The following MDGA1 variants were observed in gnomAD, a reference collection of about 807,000 sequenced individuals.
The protein encoded by MDGA1 is MAM domain containing glycosylphosphatidylinositol anchor 1.
Under a neutral mutation model 101.5 loss-of-function variants are expected in MDGA1, and 54 were observed. That is an observed-to-expected ratio of 0.53 (90% CI 0.43 to 0.67). The LOEUF is 0.67. Ranked by LOEUF, MDGA1 falls within the 30% of genes least tolerant of loss-of-function variation. The pLI is 0.00. For synonymous variants in MDGA1, 533 were observed against 558.3 expected (o/e 0.95, Z 0.64); for missense variants, 1,083 against 1,323.8 (o/e 0.82, Z 2.82).
At chr6:37,643,026 C>T (rs1042254385) in intron 14 of MDGA1, among the ~76,000 whole-genome samples, 8 of 152,182 alleles carry the variant, frequency 5.3e-5, no homozygotes, top group African/African-American at 1.7e-4. Flanking sequence ...AAAGAAGCAC[C>T]CTTCCGATCT....
In MDGA1 at chr6:37,635,268, T is replaced by C. The variant is rs1390405443; in HGVS notation, c.*2100A>G. 5.1e-6 allele frequency: 2 copies of C among 395,264 alleles called. No individual in the cohort carries two copies. The highest frequency in any genetic ancestry group is 4.5e-6 in the Non-Finnish European group (1 of 224,558). 24.5% of individuals were successfully genotyped at this position (395,264 alleles called of 1,614,324 possible). On this transcript the variant is annotated 3_prime_UTR_variant, in exon 17 of 17. Coordinates refer to ENST00000434837, the MANE Select transcript of MDGA1 (RefSeq NM_153487.4). Reference sequence around the variant, plus strand: ...TTACAGAATCCATTCCACCGGGCAATGGAGTGGTTTCCACACCAGGCTCAC... The same window carrying C: ...TTACAGAATCCATTCCACCGGGCAACGGAGTGGTTTCCACACCAGGCTCAC...
At chr6:37,664,358 G>A (rs1221476736) in intron 1 of MDGA1, 1 of 489,984 alleles carries the variant, frequency 2.0e-6, no homozygotes, top group African/African-American at 1.9e-5. Flanking sequence ...TCAGTGGGCT[G>A]ATTGTGTGAA....
At position 37,657,816 on chromosome 6, in the gene MDGA1, T is replaced by G. The variant is rs148001710; in HGVS notation, c.382+429A>C. On this transcript the variant is annotated intron_variant, in intron 3 of 16. Transcript: ENST00000434837. Reference sequence around the variant, plus strand: ...GAGTGGGGCTTGGTCCTATATGTAATGTAGTAAGGAGGGAAATCTCAGAGC... The same window carrying G: ...GAGTGGGGCTTGGTCCTATATGTAAGGTAGTAAGGAGGGAAATCTCAGAGC... Among the ~76,000 whole-genome samples the G allele has an allele frequency of 3.3e-5, 5 of 152,144 alleles. No homozygotes were observed. The East Asian group carries it at 9.7e-4, about 29-fold the overall frequency.
intron 14 of MDGA1, among the ~76,000 whole-genome samples, chr6:37,641,179 C>T (rs894084306): frequency 1.3e-5 from 2 of 152,208 alleles, no homozygotes; most frequent in Admixed American, 6.5e-5. Context: ...CAACTCATTT[C>T]ATCCCAGGCA....
chr6:37,654,718 AGTCC>A, intron 5 of MDGA1, 78 bp downstream of exon 5: 1 of 1,579,550 alleles, frequency 6.3e-7, no homozygotes, highest in Non-Finnish European at 8.7e-7. Flanking sequence ...GTGTGCCTGG[AGTCC>A]CTGTGGGGTG....
intron 9 of MDGA1, among the ~76,000 whole-genome samples, chr6:37,647,680 A>G (rs1251217805): frequency 6.6e-6 from 1 of 151,802 alleles, no homozygotes; most frequent in African/African-American, 2.4e-5. Flanking sequence ...GGAAAGACAC[A>G]AGAGTCAGGG....
chr6:37,674,215 ATC>A (rs1476524958), intron 1 of MDGA1, among the ~76,000 whole-genome samples: 1 of 152,164 alleles, frequency 6.6e-6, no homozygotes. Context: ...GGCTGCAAAA[ATC>A]TCTCCCTAAC....
intron 1 of MDGA1, among the ~76,000 whole-genome samples, chr6:37,673,772 G>C (rs1333148692): frequency 6.6e-6 from 1 of 152,118 alleles, no homozygotes; most frequent in South Asian, 2.1e-4. Context: ...AAGCCGACTT[G>C]AAACAGCCCA....
rs140113578 is a variant in MDGA1, at chr6:37,646,049, G to A, written c.2225-93C>T. ...GGGACCAGAGGACAGGGTCCTCAGA[G>A]CCAGGACTGGGGGCCAGCGGATCTG... On this transcript the variant is annotated intron_variant, in intron 11 of 16. Transcript: ENST00000434837. 400 of 1,593,688 alleles carry A rather than the reference G, an allele frequency of 2.5e-4. 1 individual carries two copies. The highest frequency in any genetic ancestry group is 2.8e-4 in the Non-Finnish European group (329 of 1,164,320).
chr6:37,667,046 T>C (rs1308579909), intron 1 of MDGA1, among the ~76,000 whole-genome samples: 1 of 152,214 alleles, frequency 6.6e-6, no homozygotes, highest in East Asian at 1.9e-4. Flanking sequence ...AGAGTCGTAA[T>C]GTGTTTTACA....
intron 1 of MDGA1, among the ~76,000 whole-genome samples, chr6:37,676,255 A>G (rs898441641): frequency 2.0e-5 from 3 of 152,232 alleles, no homozygotes; most frequent in African/African-American, 7.2e-5. Context: ...CCGGAGACAC[A>G]CTGCCAGATC....
Position 37,644,600 on chromosome 6 carries a change from G to A in MDGA1, c.2298C>T (p.Asp766=), listed in dbSNP as rs757423666. Residue 766 remains aspartate, a synonymous_variant, in exon 13 of 17, where the codon GAC becomes GAT. Coordinates refer to ENST00000434837, the MANE Select transcript of MDGA1 (RefSeq NM_153487.4). ...EDEKICGYTQ[D]LTDNFDWTRQ... ...GCGTCCAGTCAAAGTTGTCTGTCAGGTCCTGGGTATAGCCACAGATCTTCT... is the reference window on the plus strand; with the variant it reads ...GCGTCCAGTCAAAGTTGTCTGTCAGATCCTGGGTATAGCCACAGATCTTCT... The A allele has an allele frequency of 6.2e-7, 1 of 1,607,764 alleles. No homozygotes were observed. Among genetic ancestry groups the A allele is most frequent in the South Asian group, 1.1e-5 (1 of 90,182 alleles).
At chr6:37,653,095 G>A (rs1457631323) in intron 6 of MDGA1, among the ~76,000 whole-genome samples, 1 of 152,164 alleles carries the variant, frequency 6.6e-6, no homozygotes, top group Non-Finnish European at 1.5e-5. Flanking sequence ...TTTTTAATCA[G>A]GTACCCAACC....
chr6:37,635,457 G>A lies in MDGA1; in HGVS notation c.*1911C>T, dbSNP rs1280342863. On this transcript the variant is annotated 3_prime_UTR_variant, in exon 17 of 17. Transcript: ENST00000434837. ...GAAGTGTATGCTGAGAACCTGGAGC[G>A]ACTCATTTCAGACAGAGGCCTTGAC... The A allele has an allele frequency of 2.0e-5, 8 of 398,592 alleles. No individual in the cohort carries two copies. The highest frequency in any genetic ancestry group is 1.0e-4 in the African/African-American group (5 of 48,642). The allele number at this position is 398,592 out of a possible 1,614,324, so 24.7% of individuals were successfully genotyped here.
intron 1 of MDGA1, among the ~76,000 whole-genome samples, chr6:37,685,021 G>T (rs1762169372): frequency 6.6e-6 from 1 of 152,208 alleles, no homozygotes; most frequent in Admixed American, 6.5e-5. Context: ...TCACTTGGCA[G>T]CTGGGGACAG....
intron 7 of MDGA1, among the ~76,000 whole-genome samples, chr6:37,651,746 T>C (rs924439714): frequency 2.0e-5 from 3 of 152,176 alleles, no homozygotes; most frequent in Non-Finnish European, 4.4e-5. Flanking sequence ...TGCAATGATA[T>C]ATTTATTTGT....
chr6:37,680,324 C>A (rs2114089899), intron 1 of MDGA1, among the ~76,000 whole-genome samples: 1 of 152,326 alleles, frequency 6.6e-6, no homozygotes, highest in Admixed American at 6.5e-5. Flanking sequence ...AGGAAGCCAG[C>A]CTGCTCAGAG....
intron 7 of MDGA1, 31 bp from the exon 8 acceptor site, chr6:37,650,436 T>C (rs1431357335): frequency 2.7e-6 from 4 of 1,488,062 alleles, no homozygotes; most frequent in East Asian, 4.8e-5. Context: ...AGCGGAGAGG[T>C]AGGAGCGGAG....
In MDGA1 at chr6:37,643,935, T is replaced by A. The variant is rs755491574; in HGVS notation, c.2410A>T (p.Met804Leu). 24 of 1,613,632 alleles carry A rather than the reference T, an allele frequency of 1.5e-5. No homozygotes were observed. The Admixed American group carries it at 3.8e-4, about 26-fold the overall frequency. The change falls in exon 14 of 17, where the codon ATG becomes TTG. Residue 804 changes from methionine (M) to leucine (L), a missense_variant. Physicochemically the swap from Met to Leu is conservative, Grantham distance 15. Transcript: ENST00000434837. ...CGAGGCCTCGATGTCTCGATGAACA[T>A]GTAGTAGCCTGCGGGGAATGGGGAG... ...DISGTPEGYYMFIETSRPREL... is the reference protein window; with the variant it reads ...DISGTPEGYYLFIETSRPREL...
Sources: gnomAD v4.1 joint callset for allele counts (sites outside exome capture counted in the v4.1 genomes callset) on GRCh38, gnomAD v4.1.1 for gene constraint, MANE v1.5 for transcripts, NCBI Gene and HGNC (gene_info 2026-07-23, HGNC 2026-07-21) for gene names.